Variants in NAALADL2 observed in about 807,000 individuals in gnomAD.
The protein encoded by NAALADL2 is N-acetylated alpha-linked acidic dipeptidase like 2, also known as inactive N-acetylated-alpha-linked acidic dipeptidase-like protein 2.
NAALADL2 carries 76 observed loss-of-function variants against 87.2 expected under a neutral mutation model. The observed-to-expected ratio is 0.87, with a 90% CI of 0.72 to 1.05. NAALADL2 has a LOEUF of 1.05. Ranked by LOEUF, NAALADL2 falls within the 50% of genes least tolerant of loss-of-function variation. NAALADL2 has a pLI of 0.00. For missense variants in NAALADL2, 1,089 were observed against 945.8 expected, an observed-to-expected ratio of 1.15 and a Z score of -1.99; for synonymous variants, 354 against 331.0, an observed-to-expected ratio of 1.07 and a Z score of -0.75.
chr3:174,959,835 A>T (rs1236530425), intron 1 of NAALADL2, among the ~76,000 whole-genome samples: 1 of 152,068 alleles, frequency 6.6e-6, no homozygotes, highest in African/African-American at 2.4e-5. Context: ...CAAGGCAATC[A>T]CTTAGATTTG....
chr3:175,697,174 AT>A (rs1407922889), intron 11 of NAALADL2, among the ~76,000 whole-genome samples: 1 of 152,046 alleles, frequency 6.6e-6, no homozygotes, highest in East Asian at 1.9e-4. Flanking sequence ...TTATGGTGAA[AT>A]TTAAACTGGT....
At chr3:175,072,588 T>G (rs1173139956) in intron 1 of NAALADL2, among the ~76,000 whole-genome samples, 1 of 150,418 alleles carries the variant, frequency 6.6e-6, no homozygotes, top group Admixed American at 6.7e-5. Flanking sequence ...TGAACAGACA[T>G]TACTACTAGA....
At chr3:175,286,524 T>C (rs889321432) in intron 4 of NAALADL2, among the ~76,000 whole-genome samples, 2 of 152,148 alleles carry the variant, frequency 1.3e-5, no homozygotes, top group African/African-American at 4.8e-5. Flanking sequence ...TCCAAAATAA[T>C]GCTTTCCAAC....
chr3:174,539,362 G>C (rs1722014322), intron 1 of NAALADL2, among the ~76,000 whole-genome samples: 1 of 152,016 alleles, frequency 6.6e-6, no homozygotes, highest in South Asian at 2.1e-4. Context: ...ATAATAAATT[G>C]TTCAATGAGG....
chr3:174,878,393 C>A (rs550594683), intron 1 of NAALADL2, among the ~76,000 whole-genome samples: 19 of 152,134 alleles, frequency 1.2e-4, no homozygotes, highest in Admixed American at 7.9e-4. Context: ...TGTCTTCTGA[C>A]AAAATGTATG....
intron 2 of NAALADL2, among the ~76,000 whole-genome samples, chr3:175,191,856 A>G (rs1042081559): frequency 9.2e-5 from 14 of 152,138 alleles, no homozygotes; most frequent in Admixed American, 6.5e-4. Context: ...GTTCTTATCT[A>G]TTTCTAAGAA....
chr3:175,718,195 G>GTTTGT, intron 11 of NAALADL2: 1 of 822,738 alleles, frequency 1.2e-6, no homozygotes, highest in Non-Finnish European at 1.7e-6. Context: ...AGGGCCTGTG[G>GTTTGT]TTTTTTTTTT....
chr3:174,889,465 C>T (rs971514380), intron 1 of NAALADL2, among the ~76,000 whole-genome samples: 19 of 152,104 alleles, frequency 1.2e-4, no homozygotes, highest in Admixed American at 1.2e-3. Flanking sequence ...GCTTCCTCTC[C>T]TGCTGGACGC....
In NAALADL2 at chr3:174,794,981, C is replaced by CTTTTTTTTT. The variant is rs772447340; in HGVS notation, c.-9+57254_-9+57262dup. On this transcript the variant is annotated intron_variant, in intron 3 of 3. Transcript: ENST00000434257. ...TTAAAAGTTGAAACTTCTAGTCCAG[C>CTTTTTTTTT]TTTTTTTTTTTTTTTTTTTTTTTTT... Among the ~76,000 whole-genome samples the CTTTTTTTTT allele has an allele frequency of 2.4e-3, 160 of 66,704 alleles. 20 individuals carry two copies. Among genetic ancestry groups the CTTTTTTTTT allele is most frequent in the African/African-American group, 5.4e-3 (91 of 16,900 alleles). The allele number at this position is 66,704 out of a possible 152,430, so 43.8% of individuals were successfully genotyped here.
intron 2 of NAALADL2, among the ~76,000 whole-genome samples, chr3:175,205,350 A>G (rs1740657028): frequency 6.6e-6 from 1 of 152,196 alleles, no homozygotes; most frequent in African/African-American, 2.4e-5. Flanking sequence ...TGGGGAAAGG[A>G]CACTGTTTTC....
chr3:174,494,195 G>A (rs1718377065), intron 1 of NAALADL2, among the ~76,000 whole-genome samples: 1 of 152,100 alleles, frequency 6.6e-6, no homozygotes, highest in African/African-American at 2.4e-5. Flanking sequence ...GGTGTCGCTT[G>A]GAGATGAGAA....
intron 1 of NAALADL2, among the ~76,000 whole-genome samples, chr3:174,971,855 G>C (rs377534991): frequency 1.3e-5 from 2 of 152,018 alleles, no homozygotes; most frequent in Non-Finnish European, 2.9e-5. Context: ...ATGCCACGAC[G>C]CCCAGCTAAT....
chr3:175,267,634 G>T (rs1428945634), intron 4 of NAALADL2, among the ~76,000 whole-genome samples: 1 of 152,038 alleles, frequency 6.6e-6, no homozygotes, highest in Non-Finnish European at 1.5e-5. Flanking sequence ...TAATATCTGG[G>T]GTGATGGGAG....
intron 1 of NAALADL2, among the ~76,000 whole-genome samples, chr3:174,996,993 G>GGTGT (rs34590643): frequency 8.6e-4 from 104 of 121,560 alleles, no homozygotes; most frequent in East Asian, 4.1e-3. Context: ...TATTCCAAGG[G>GGTGT]GTGTGTGTGT....
intron 5 of NAALADL2, among the ~76,000 whole-genome samples, chr3:175,416,717 T>C (rs12485982): frequency 0.027 from 4,073 of 152,244 alleles, 170 homozygotes; most frequent in East Asian, 0.14. Flanking sequence ...TTTTAGCCCT[T>C]AAGGCTCTTT....
intron 2 of NAALADL2, among the ~76,000 whole-genome samples, chr3:175,160,360 C>CATTTTTTTTT (rs1732975658): frequency 1.8e-5 from 1 of 57,036 alleles, no homozygotes; most frequent in Non-Finnish European, 3.7e-5. Context: ...TCTTTTCTTT[C>CATTTTTTTTT]TTTTTTTTTT....
chr3:175,215,444 A>G (rs1742374118), intron 2 of NAALADL2, among the ~76,000 whole-genome samples: 1 of 152,140 alleles, frequency 6.6e-6, no homozygotes, highest in Admixed American at 6.6e-5. Flanking sequence ...CAAGGATTAG[A>G]AACCTGTGTT....
intron 2 of NAALADL2, among the ~76,000 whole-genome samples, chr3:175,199,492 G>A (rs1038279440): frequency 2.0e-5 from 3 of 151,948 alleles, no homozygotes; most frequent in African/African-American, 7.2e-5. Context: ...AGGCATCCAA[G>A]GGATGAGACT....
chr3:175,008,257 A>C (rs1224041718), intron 1 of NAALADL2, among the ~76,000 whole-genome samples: 1 of 152,108 alleles, frequency 6.6e-6, no homozygotes, highest in Non-Finnish European at 1.5e-5. Flanking sequence ...GGTGGTGCAC[A>C]TCTTTCCTCC....
Sources: allele counts gnomAD v4.1 joint callset (sites outside exome capture counted in the v4.1 genomes callset), GRCh38; gene constraint gnomAD v4.1.1; transcripts MANE v1.5; gene names NCBI Gene and HGNC (gene_info 2026-07-23, HGNC 2026-07-21).